CAMK1D: variants seen among roughly 807,000 people sequenced by gnomAD.
The protein encoded by CAMK1D is calcium/calmodulin-dependent protein kinase type 1D.
A neutral mutation model predicts 47.7 loss-of-function variants in CAMK1D; 9 were observed. The observed-to-expected ratio is 0.19, with a 90% CI of 0.11 to 0.33. CAMK1D has a LOEUF of 0.33. CAMK1D is among the 10% of genes least tolerant of loss of function. The pLI is 1.00. For missense variants in CAMK1D, 291 were observed against 488.7 expected (o/e 0.60, Z 3.81); for synonymous variants, 184 against 184.9 (o/e 0.99, Z 0.04).
rs568550504 is a variant in CAMK1D, at chr10:12,613,873, C to G, written c.225-52863C>G. Among the ~76,000 whole-genome samples the G allele has an allele frequency of 7.0e-4, 107 of 152,204 alleles. 4 individuals are homozygous for G. The highest frequency in any genetic ancestry group is 3.5e-4 in the Non-Finnish European group (24 of 68,026). The stretch of plus-strand genomic sequence containing the variant: ...TTCTTCAAGGTAAGCAATAATATCC[C>G]GATTGTACAGGGAAGAAAACTGAGA... On this transcript the variant is annotated intron_variant, in intron 2 of 10. Coordinates refer to ENST00000619168, the MANE Select transcript of CAMK1D (RefSeq NM_153498.4).
chr10:12,539,804 A>G (rs1836105810), intron 1 of CAMK1D, among the ~76,000 whole-genome samples: 1 of 152,190 alleles, frequency 6.6e-6, no homozygotes, highest in African/African-American at 2.4e-5. Flanking sequence ...TCCAAGGAAA[A>G]TGCACCCTGG....
chr10:12,482,513 G>A (rs1028562036), intron 1 of CAMK1D, among the ~76,000 whole-genome samples: 12 of 151,856 alleles, frequency 7.9e-5, no homozygotes, highest in African/African-American at 2.9e-4. Flanking sequence ...TTTTTCTCTC[G>A]AAGCAGTGAA....
intron 1 of CAMK1D, among the ~76,000 whole-genome samples, chr10:12,512,123 G>A (rs1282458780): frequency 1.3e-5 from 2 of 152,188 alleles, no homozygotes; most frequent in Non-Finnish European, 2.9e-5. Flanking sequence ...CTATACCCTA[G>A]CATATTAGAG....
chr10:12,539,989 T>C (rs1252975039), intron 1 of CAMK1D, among the ~76,000 whole-genome samples: 2 of 152,152 alleles, frequency 1.3e-5, no homozygotes, highest in Non-Finnish European at 2.9e-5. Context: ...TCATAGCTCA[T>C]TGTAACTTTG....
At position 12,617,124 on chromosome 10, in the gene CAMK1D, G is replaced by A. The variant is rs183134628; in HGVS notation, c.225-49612G>A. 2.4e-4 allele frequency among the ~76,000 whole-genome samples: 36 copies of A among 152,258 alleles called. No homozygotes were observed. The East Asian group carries it at 5.0e-3, about 21-fold the overall frequency. On this transcript the variant is annotated intron_variant, in intron 2 of 10. Transcript: ENST00000619168. ...TTTTTTTTCCTCAAGGATGCAAGCA[G>A]CTGATAGAATTGGGAAGAAAGTTAT...
intron 3 of CAMK1D, among the ~76,000 whole-genome samples, chr10:12,754,136 C>A (rs931256276): frequency 1.3e-5 from 2 of 152,102 alleles, no homozygotes; most frequent in Non-Finnish European, 2.9e-5. Context: ...GGTGATTCAC[C>A]CACCTCAGCT....
chr10:12,592,196 C>A (rs1029501649), intron 2 of CAMK1D, among the ~76,000 whole-genome samples: 8 of 152,182 alleles, frequency 5.3e-5, no homozygotes, highest in African/African-American at 1.9e-4. Flanking sequence ...AATGCTTGTA[C>A]AACTTTCATT....
chr10:12,431,527 C>T (rs919037388), intron 1 of CAMK1D, among the ~76,000 whole-genome samples: 7 of 152,120 alleles, frequency 4.6e-5, no homozygotes, highest in African/African-American at 7.2e-5. Context: ...CTCACTTTCC[C>T]GAGGAATAAC....
At chr10:12,373,119 C>T (rs1838050854) in intron 1 of CAMK1D, among the ~76,000 whole-genome samples, 1 of 152,100 alleles carries the variant, frequency 6.6e-6, no homozygotes, top group Admixed American at 6.6e-5. Context: ...AAATGAGAGA[C>T]GTGGTCCGCT....
intron 3 of CAMK1D, among the ~76,000 whole-genome samples, chr10:12,753,048 T>C (rs2130882566): frequency 6.6e-6 from 1 of 152,276 alleles, no homozygotes; most frequent in East Asian, 1.9e-4. Context: ...GATTGAGAGA[T>C]TGAGACCATC....
In CAMK1D at chr10:12,729,364, A is replaced by G. The variant is rs376217485; in HGVS notation, c.300-31584A>G. Among the ~76,000 whole-genome samples the G allele has an allele frequency of 1.2e-4, 18 of 152,346 alleles. 1 individual carries two copies. The highest frequency in any genetic ancestry group is 6.5e-4 in the Admixed American group (10 of 15,302). On this transcript the variant is annotated intron_variant, in intron 3 of 10. Transcript: ENST00000619168. ...AACAGATTAAAGTGGGACCGAGCAC[A>G]GTGGCTCATGCCTGTAATCGCAGCA...
chr10:12,437,069 T>C (rs1039541229), intron 1 of CAMK1D, among the ~76,000 whole-genome samples: 1 of 151,988 alleles, frequency 6.6e-6, no homozygotes. Context: ...TGGTGACGTG[T>C]GAAATGGCAT....
At chr10:12,608,635 T>A (rs1446350832) in intron 2 of CAMK1D, among the ~76,000 whole-genome samples, 1 of 152,240 alleles carries the variant, frequency 6.6e-6, no homozygotes, top group Non-Finnish European at 1.5e-5. Flanking sequence ...TAAAGTCAAC[T>A]GGAATTAGGA....
intron 4 of CAMK1D, among the ~76,000 whole-genome samples, chr10:12,762,185 G>A (rs540055103): frequency 1.4e-4 from 22 of 152,166 alleles, no homozygotes; most frequent in Non-Finnish European, 2.8e-4. Flanking sequence ...ATTCTAGGAT[G>A]TTTACAGGTC....
chr10:12,668,937 A>G (rs992529322), intron 3 of CAMK1D, among the ~76,000 whole-genome samples: 2 of 152,064 alleles, frequency 1.3e-5, no homozygotes, highest in Non-Finnish European at 2.9e-5. Context: ...AAAACAAAAA[A>G]CAAAACCTCA....
At chr10:12,767,432 C>T (rs1004476018) in intron 4 of CAMK1D, among the ~76,000 whole-genome samples, 3 of 152,176 alleles carry the variant, frequency 2.0e-5, no homozygotes, top group Admixed American at 2.0e-4. Context: ...TCTCCTCAGT[C>T]TCCCAAAGTG....
chr10:12,740,399 G>T lies in CAMK1D; in HGVS notation c.300-20549G>T, dbSNP rs566404080. Reference sequence around the variant, plus strand: ...GAATCACCTGAGGGCAGGAGTTTGAGACCAGCCTGGGCAACATGGCGAAAC... The same window carrying T: ...GAATCACCTGAGGGCAGGAGTTTGATACCAGCCTGGGCAACATGGCGAAAC... On this transcript the variant is annotated intron_variant, in intron 3 of 10. Coordinates refer to ENST00000619168, the MANE Select transcript of CAMK1D (RefSeq NM_153498.4). 8.2e-4 allele frequency among the ~76,000 whole-genome samples: 125 copies of T among 152,284 alleles called. 1 individual carries two copies. Among genetic ancestry groups the T allele is most frequent in the African/African-American group, 2.9e-3 (121 of 41,562 alleles).
intron 3 of CAMK1D, among the ~76,000 whole-genome samples, chr10:12,758,017 A>G (rs1333212826): frequency 2.0e-5 from 3 of 151,998 alleles, no homozygotes; most frequent in African/African-American, 7.3e-5. Flanking sequence ...ATGCCCAGCT[A>G]ATTTTTGTAT....
intron 6 of CAMK1D, among the ~76,000 whole-genome samples, chr10:12,805,128 G>A (rs527493805): frequency 3.3e-5 from 5 of 150,954 alleles, no homozygotes; most frequent in East Asian, 4.0e-4. Context: ...GTGTGGTGGC[G>A]CACACCTGTA....
Sources: gnomAD v4.1 joint callset for allele counts (sites outside exome capture counted in the v4.1 genomes callset) on GRCh38, gnomAD v4.1.1 for gene constraint, MANE v1.5 for transcripts, NCBI Gene and HGNC (gene_info 2026-07-23, HGNC 2026-07-21) for gene names.